PLPP4: variants seen among roughly 807,000 people sequenced by gnomAD.
PLPP4 encodes diacylglycerol pyrophosphate like 2.
Under a neutral mutation model 32.2 loss-of-function variants are expected in PLPP4, and 20 were observed. That is an observed-to-expected ratio of 0.62 (90% CI 0.44 to 0.90). PLPP4 has a LOEUF of 0.90. Ranked by LOEUF, PLPP4 falls within the 40% of genes least tolerant of loss-of-function variation. The pLI is 0.00. For synonymous variants in PLPP4, 127 were observed against 133.0 expected (o/e 0.95, Z 0.31); for missense variants, 257 against 353.1 (o/e 0.73, Z 2.18).
intron 1 of PLPP4, among the ~76,000 whole-genome samples, chr10:120,467,058 T>G (rs1848357658): frequency 6.6e-6 from 1 of 152,056 alleles, no homozygotes; most frequent in Non-Finnish European, 1.5e-5. Flanking sequence ...GAAAAAGAAA[T>G]TGCCAGTATA....
intron 5 of PLPP4, among the ~76,000 whole-genome samples, chr10:120,522,169 GATT>G (rs1405810295): frequency 6.6e-6 from 1 of 152,158 alleles, no homozygotes; most frequent in Non-Finnish European, 1.5e-5. Context: ...CCACGAGTCT[GATT>G]ATTATTTACC....
chr10:120,510,938 A>G (rs1251324096), intron 2 of PLPP4, among the ~76,000 whole-genome samples: 1 of 152,170 alleles, frequency 6.6e-6, no homozygotes, highest in African/African-American at 2.4e-5. Context: ...TTGCAATCAC[A>G]CAGACACCTC....
intron 5 of PLPP4, among the ~76,000 whole-genome samples, chr10:120,567,000 A>C (rs530980133): frequency 6.6e-6 from 1 of 152,328 alleles, no homozygotes; most frequent in South Asian, 2.1e-4. Flanking sequence ...CCCCACAGAC[A>C]TGCTCGGGGC....
At chr10:120,528,401 A>G (rs898639420) in intron 5 of PLPP4, among the ~76,000 whole-genome samples, 5 of 152,142 alleles carry the variant, frequency 3.3e-5, no homozygotes, top group Non-Finnish European at 5.9e-5. Context: ...TAAGAATTGT[A>G]TAAAATGGCA....
intron 1 of PLPP4, among the ~76,000 whole-genome samples, chr10:120,458,793 T>A (rs1677957750): frequency 6.6e-6 from 1 of 152,262 alleles, no homozygotes; most frequent in African/African-American, 2.4e-5. Flanking sequence ...TAATGATTGC[T>A]GTGTGATCAG....
At chr10:120,499,408 C>CTT (rs765911858) in intron 1 of PLPP4, among the ~76,000 whole-genome samples, 50 of 142,470 alleles carry the variant, frequency 3.5e-4, no homozygotes, top group African/African-American at 1.2e-3. Context: ...TTTTGCCATG[C>CTT]TTTTTTTTTT....
intron 5 of PLPP4, among the ~76,000 whole-genome samples, chr10:120,546,391 T>A (rs1315824086): frequency 3.3e-5 from 5 of 152,062 alleles, no homozygotes; most frequent in Non-Finnish European, 7.4e-5. Flanking sequence ...GAAGTCCTCA[T>A]CTCTTCTCTG....
intron 1 of PLPP4, among the ~76,000 whole-genome samples, chr10:120,494,930 G>A (rs1379480888): frequency 6.6e-6 from 1 of 152,110 alleles, no homozygotes; most frequent in Non-Finnish European, 1.5e-5. Flanking sequence ...ATCTCTAATT[G>A]GGGAAAAATC....
At chr10:120,529,059 T>A (rs1846571000) in intron 5 of PLPP4, among the ~76,000 whole-genome samples, 2 of 152,108 alleles carry the variant, frequency 1.3e-5, no homozygotes, top group African/African-American at 2.4e-5. Flanking sequence ...CAATTACCAA[T>A]TTTCATCTCC....
At chr10:120,481,357 G>A (rs889864845) in intron 1 of PLPP4, among the ~76,000 whole-genome samples, 2 of 152,190 alleles carry the variant, frequency 1.3e-5, no homozygotes, top group Non-Finnish European at 2.9e-5. Context: ...GGCAGCCCAG[G>A]GGACATCAGG....
At chr10:120,488,574 G>T (rs955980817) in intron 1 of PLPP4, among the ~76,000 whole-genome samples, 6 of 152,236 alleles carry the variant, frequency 3.9e-5, no homozygotes, top group African/African-American at 1.2e-4. Flanking sequence ...TAGCAACATT[G>T]AAGGGCAAGA....
chr10:120,475,677 C>T (rs1052820171), intron 1 of PLPP4, among the ~76,000 whole-genome samples: 1 of 152,208 alleles, frequency 6.6e-6, no homozygotes, highest in African/African-American at 2.4e-5. Flanking sequence ...AATGGTCTCC[C>T]TGGCCTGAGG....
At chr10:120,499,374 G>C (rs1006925725) in intron 1 of PLPP4, among the ~76,000 whole-genome samples, 1 of 151,618 alleles carries the variant, frequency 6.6e-6, no homozygotes, top group African/African-American at 2.4e-5. Flanking sequence ...GATTGTATTG[G>C]GTTGGTGCAA....
At chr10:120,487,733 A>C (rs962369665) in intron 1 of PLPP4, among the ~76,000 whole-genome samples, 1 of 152,174 alleles carries the variant, frequency 6.6e-6, no homozygotes, top group African/African-American at 2.4e-5. Flanking sequence ...ATTTGGACAG[A>C]AAAAAACTCT....
At chr10:120,458,365 CATTT>C (rs1847887491) in intron 1 of PLPP4, among the ~76,000 whole-genome samples, 1 of 152,156 alleles carries the variant, frequency 6.6e-6, no homozygotes, top group Non-Finnish European at 1.5e-5. Context: ...ATTTGCCATG[CATTT>C]ATTTATTTGT....
At chr10:120,531,093 T>C (rs1344548098) in intron 5 of PLPP4, among the ~76,000 whole-genome samples, 3 of 147,674 alleles carry the variant, frequency 2.0e-5, no homozygotes, top group African/African-American at 5.0e-5. Flanking sequence ...TTTTCTTTTT[T>C]TTTTTTTTTT....
chr10:120,516,595 C>T (rs1003686017), intron 3 of PLPP4, among the ~76,000 whole-genome samples: 11 of 152,198 alleles, frequency 7.2e-5, no homozygotes, highest in Non-Finnish European at 1.3e-4. Flanking sequence ...GCTTACAAGC[C>T]GACTCACGGG....
At chr10:120,575,528 G>A (rs778303365) in intron 6 of PLPP4, among the ~76,000 whole-genome samples, 1 of 152,190 alleles carries the variant, frequency 6.6e-6, no homozygotes, top group Non-Finnish European at 1.5e-5. Flanking sequence ...TCATGCTCCA[G>A]GAGACTGCTT....
At chr10:120,557,639 G>A (rs1054467333) in intron 5 of PLPP4, among the ~76,000 whole-genome samples, 2 of 152,098 alleles carry the variant, frequency 1.3e-5, no homozygotes, top group South Asian at 2.1e-4. Flanking sequence ...ATAATAGTTA[G>A]CATCTCCAAA....
Sources: allele counts gnomAD v4.1 joint callset (sites outside exome capture counted in the v4.1 genomes callset), GRCh38; gene constraint gnomAD v4.1.1; transcripts MANE v1.5; gene names NCBI Gene and HGNC (gene_info 2026-07-23, HGNC 2026-07-21).